The following UBA2 variants were observed in gnomAD, a reference collection of about 807,000 sequenced individuals.
UBA2 encodes SUMO-activating enzyme subunit 2.
In UBA2, 11 loss-of-function variants were observed where a neutral mutation model predicts 77.2. The observed-to-expected ratio is 0.14, with a 90% CI of 0.09 to 0.24. The LOEUF is 0.24. Ranked by LOEUF, UBA2 falls within the 10% of genes least tolerant of loss-of-function variation. The pLI is 1.00. For missense variants in UBA2, 487 were observed against 781.7 expected (o/e 0.62, Z 4.50); for synonymous variants, 278 against 276.7 (o/e 1.00, Z -0.05).
intron 12 of UBA2, among the ~76,000 whole-genome samples, chr19:34,455,753 C>T (rs1480446716): frequency 1.3e-5 from 2 of 152,096 alleles, no homozygotes; most frequent in Non-Finnish European, 2.9e-5. Context: ...AAGCGATTCT[C>T]CTGTCTCAGC....
rs1345149186 is a variant in UBA2 at position 34,431,857 on chromosome 19, C to T, written c.223-4C>T. ...TAGTAATTCAGTGTTGTTTATTTTT[C>T]CAGGTTGCCAAGGAAAGTGTACTGC... is the stretch of plus-strand genomic sequence containing the variant. On this transcript the variant is annotated splice_region_variant and splice_polypyrimidine_tract_variant and intron_variant, in intron 2 of 16. Transcript: ENST00000246548. The T allele has an allele frequency of 5.6e-6, 9 of 1,612,862 alleles. No individual in the cohort carries two copies. In the Middle Eastern group the frequency reaches 6.6e-4, roughly 118 times the overall value.
chr19:34,444,494 A>G (rs976573477), intron 7 of UBA2, among the ~76,000 whole-genome samples: 1 of 152,166 alleles, frequency 6.6e-6, no homozygotes, highest in Non-Finnish European at 1.5e-5. Flanking sequence ...GAACTGTTAT[A>G]TGTGTAGCTT....
intron 1 of UBA2, chr19:34,428,950 G>A: frequency 1.0e-6 from 1 of 987,326 alleles, no homozygotes; most frequent in South Asian, 4.7e-5. Flanking sequence ...TTAATTTTGA[G>A]GTCCCTGTCG....
intron 15 of UBA2, among the ~76,000 whole-genome samples, chr19:34,466,106 C>T (rs931194712): frequency 1.2e-4 from 18 of 151,990 alleles, no homozygotes; most frequent in East Asian, 3.9e-4. Context: ...GAGGCTGAGG[C>T]GGGCGGATCA....
At chr19:34,439,204 C>T (rs1309538348) in intron 6 of UBA2, among the ~76,000 whole-genome samples, 4 of 131,624 alleles carry the variant, frequency 3.0e-5, no homozygotes, top group Non-Finnish European at 4.9e-5. Flanking sequence ...GAGAATTTGT[C>T]TCAAAAAAAA....
At chr19:34,441,784 G>A (rs2075372042) in intron 6 of UBA2, among the ~76,000 whole-genome samples, 1 of 152,028 alleles carries the variant, frequency 6.6e-6, no homozygotes, top group Non-Finnish European at 1.5e-5. Flanking sequence ...AGTGGGGTGT[G>A]GTGGCACACG....
intron 7 of UBA2, among the ~76,000 whole-genome samples, chr19:34,444,182 T>C (rs2145518115): frequency 6.6e-6 from 1 of 151,206 alleles, no homozygotes; most frequent in Non-Finnish European, 1.5e-5. Flanking sequence ...CTCAGGCTCC[T>C]GAGTAGCTGG....
At chr19:34,435,718 T>G (rs1303572252) in intron 5 of UBA2, among the ~76,000 whole-genome samples, 1 of 151,840 alleles carries the variant, frequency 6.6e-6, no homozygotes, top group Non-Finnish European at 1.5e-5. Flanking sequence ...TAATCCCAGC[T>G]AGTTGGGAGA....
At position 34,441,685 on chromosome 19, in the gene UBA2, C is replaced by T. The variant is rs186092915; in HGVS notation, c.582-2159C>T. On this transcript the variant is annotated intron_variant, in intron 6 of 16. Transcript: ENST00000246548. Reference sequence around the variant, plus strand: ...GCAAACATTTTTTTTCTTTGGGAGGCTGAGGTGGGTGAATCACTTGAGGCC... The same window carrying T: ...GCAAACATTTTTTTTCTTTGGGAGGTTGAGGTGGGTGAATCACTTGAGGCC... 3.0e-4 allele frequency among the ~76,000 whole-genome samples: 45 copies of T among 152,092 alleles called. No individual in the cohort carries two copies. The East Asian group carries it at 7.5e-3, about 25-fold the overall frequency.
At chr19:34,451,104 C>T (rs1276019590) in intron 9 of UBA2, among the ~76,000 whole-genome samples, 1 of 152,062 alleles carries the variant, frequency 6.6e-6, no homozygotes, top group Non-Finnish European at 1.5e-5. Context: ...TGGGCTCAAG[C>T]CATCCTCCTC....
intron 12 of UBA2, among the ~76,000 whole-genome samples, chr19:34,458,117 T>TGCTGA (rs1389311156): frequency 1.3e-5 from 2 of 152,176 alleles, no homozygotes; most frequent in Non-Finnish European, 2.9e-5. Context: ...GGACACCAGC[T>TGCTGA]GCTGATACAA....
In UBA2 at chr19:34,458,193, G is replaced by T. The variant is rs796224307; in HGVS notation, c.1246-576G>T. ...GCCAAATCAGGTTGCAGAAGAACGC[G>T]GAGTCTTATATAATACAAGGAGATG... On this transcript the variant is annotated intron_variant, in intron 12 of 16. Coordinates refer to ENST00000246548, the MANE Select transcript of UBA2 (RefSeq NM_005499.3). 1.8e-4 allele frequency among the ~76,000 whole-genome samples: 28 copies of T among 152,238 alleles called. 1 individual carries two copies. The highest frequency in any genetic ancestry group is 6.0e-4 in the African/African-American group (25 of 41,530).
At chr19:34,459,050 T>G in intron 13 of UBA2, 126 bp downstream of exon 13, 1 of 1,046,192 alleles carries the variant, frequency 9.6e-7, no homozygotes, top group Non-Finnish European at 1.3e-6. Context: ...TTTCCTGGGT[T>G]ATTTTGCCTT....
intron 8 of UBA2, among the ~76,000 whole-genome samples, chr19:34,448,681 C>T (rs1046475689): frequency 6.6e-6 from 1 of 152,122 alleles, no homozygotes; most frequent in African/African-American, 2.4e-5. Context: ...CAATTTTGAA[C>T]TCATTTGAGA....
chr19:34,437,608 C>G (rs2075323613), intron 5 of UBA2, among the ~76,000 whole-genome samples: 1 of 151,720 alleles, frequency 6.6e-6, no homozygotes. Flanking sequence ...AATTCCGTCT[C>G]AGACAAAAAG....
At chr19:34,428,696 G>A (rs2075215486) in intron 1 of UBA2, 126 bp downstream of exon 1, 1 of 1,201,564 alleles carries the variant, frequency 8.3e-7, no homozygotes, top group Non-Finnish European at 1.0e-6. Context: ...GCGGAGCGGG[G>A]GCAGGCTGAG....
At chr19:34,428,837 G>A in intron 1 of UBA2, 4 of 1,131,438 alleles carry the variant, frequency 3.5e-6, no homozygotes, top group African/African-American at 1.6e-5. Context: ...CCAATGTGTG[G>A]CGCTTCGTGG....
Position 34,428,454 on chromosome 19 carries a change from C to T in UBA2, c.22C>T (p.Pro8Ser). The T allele has an allele frequency of 1.0e-5, 13 of 1,280,622 alleles. No individual in the cohort carries two copies. The highest frequency in any genetic ancestry group is 1.2e-5 in the Non-Finnish European group (12 of 1,009,836). The allele number at this position is 1,280,622 out of a possible 1,614,324, so 79.3% of individuals were successfully genotyped here. ...CGCCATGGCACTGTCGCGGGGGCTGCCCCGGGAGCTGGCTGAGGCGGTGGC... is the reference window on the plus strand; with the variant it reads ...CGCCATGGCACTGTCGCGGGGGCTGTCCCGGGAGCTGGCTGAGGCGGTGGC... MALSRGL[P>S]RELAEAVAGG... The change falls in exon 1 of 17, where the codon CCC becomes TCC. Residue 8 changes from proline to serine, a missense_variant. This residue lies in a region of UBA2 where 30 missense variants were observed against 27.4 expected (regional missense o/e 1.09). Coordinates refer to ENST00000246548, the MANE Select transcript of UBA2 (RefSeq NM_005499.3).
chr19:34,467,340 C>G (rs774108887), intron 16 of UBA2, among the ~76,000 whole-genome samples: 2 of 151,672 alleles, frequency 1.3e-5, no homozygotes, highest in African/African-American at 2.4e-5. Context: ...CGCATGGTAG[C>G]GTGTACCTGT....
Sources: gnomAD v4.1 joint callset for allele counts (sites outside exome capture counted in the v4.1 genomes callset) on GRCh38, gnomAD v4.1.1 for gene constraint, gnomAD v4.1.1 regional missense constraint, MANE v1.5 for transcripts, NCBI Gene and HGNC (gene_info 2026-07-23, HGNC 2026-07-21) for gene names.